The following PLCB1 variants were observed in gnomAD, a reference collection of about 807,000 sequenced individuals.
The protein encoded by PLCB1 is phospholipase C beta 1.
In PLCB1, 46 loss-of-function variants were observed where a neutral mutation model predicts 161.8. The observed-to-expected ratio is 0.28, with a 90% CI of 0.22 to 0.36. The LOEUF is 0.36. PLCB1 is among the 10% of genes least tolerant of loss of function. The probability of loss-of-function intolerance (pLI) is 1.00; values close to 1 mark genes in which losing one functional copy is unlikely to be tolerated. For missense variants in PLCB1, 1,016 were observed against 1,472.5 expected (o/e 0.69, Z 5.07); for synonymous variants, 517 against 503.7 (o/e 1.03, Z -0.35).
intron 3 of PLCB1, among the ~76,000 whole-genome samples, chr20:8,615,438 C>T (rs1988017619): frequency 6.6e-6 from 1 of 152,068 alleles, no homozygotes; most frequent in African/African-American, 2.4e-5. Flanking sequence ...CTTTAGAAAT[C>T]AATGTTTTTG....
rs375123870 is a variant in PLCB1 at position 8,658,580 on chromosome 20, G to A, written c.738G>A (p.Met246Ile). The change falls in exon 9 of 32, where the codon ATG becomes ATA. Residue 246 changes from methionine (M) to isoleucine (I), a missense_variant. Physicochemically the swap from Met to Ile is conservative, Grantham distance 10. Around this residue, in one of 10 missense-constraint regions of PLCB1, gnomAD observed 117 missense variants for 142.2 expected, o/e 0.82. Coordinates refer to ENST00000338037, the MANE Select transcript of PLCB1 (RefSeq NM_015192.4). ...SKPYLTVDQMMDFINLKQRDP... is the reference protein window; with the variant it reads ...SKPYLTVDQMIDFINLKQRDP... The stretch of plus-strand genomic sequence containing the variant: ...CATATCTTACCGTTGATCAGATGAT[G>A]GATTTTATCAACCTTAAGCAGCGAG... 25 of 1,612,112 alleles carry A rather than the reference G, an allele frequency of 1.6e-5. No homozygotes were observed. In the African/African-American group the frequency reaches 3.2e-4, roughly 21 times the overall value.
intron 2 of PLCB1, among the ~76,000 whole-genome samples, chr20:8,278,776 C>G (rs1982723012): frequency 6.6e-6 from 1 of 151,940 alleles, no homozygotes; most frequent in African/African-American, 2.4e-5. Flanking sequence ...AATATATTTT[C>G]TATTAAAGGT....
intron 3 of PLCB1, among the ~76,000 whole-genome samples, chr20:8,394,412 A>G (rs1416117717): frequency 6.6e-6 from 1 of 152,130 alleles, no homozygotes. Context: ...GCAGAAAGAA[A>G]GAAGTCTGAT....
chr20:8,140,724 G>A (rs542239935), intron 1 of PLCB1, among the ~76,000 whole-genome samples: 1 of 152,242 alleles, frequency 6.6e-6, no homozygotes, highest in South Asian at 2.1e-4. Flanking sequence ...CAAATTCAGT[G>A]TCCTTTCCAG....
chr20:8,280,295 A>G (rs1001451983), intron 2 of PLCB1, among the ~76,000 whole-genome samples: 8 of 151,610 alleles, frequency 5.3e-5, no homozygotes, highest in African/African-American at 1.9e-4. Context: ...AGGTCACACA[A>G]TTGCACTCCA....
At chr20:8,391,490 C>G (rs1263307747) in intron 3 of PLCB1, among the ~76,000 whole-genome samples, 1 of 151,894 alleles carries the variant, frequency 6.6e-6, no homozygotes, top group Admixed American at 6.6e-5. Flanking sequence ...AAGCAAAATC[C>G]AAAGCACTGT....
intron 11 of PLCB1, among the ~76,000 whole-genome samples, chr20:8,705,978 A>G (rs1033532551): frequency 1.3e-5 from 2 of 152,244 alleles, no homozygotes; most frequent in African/African-American, 4.8e-5. Flanking sequence ...GGCAAGTACT[A>G]GAAGCCAGGA....
chr20:8,147,326 TG>T (rs2051463387), intron 1 of PLCB1, among the ~76,000 whole-genome samples: 1 of 152,188 alleles, frequency 6.6e-6, no homozygotes, highest in Admixed American at 6.5e-5. Context: ...ATGTTATAGA[TG>T]TTGATGGAGA....
At chr20:8,771,391 A>G (rs1481849361) in intron 26 of PLCB1, among the ~76,000 whole-genome samples, 1 of 152,110 alleles carries the variant, frequency 6.6e-6, no homozygotes, top group Non-Finnish European at 1.5e-5. Context: ...TTCTGTTTCT[A>G]CCAGACAGCG....
chr20:8,238,093 C>T (rs1980418309), intron 2 of PLCB1, among the ~76,000 whole-genome samples: 1 of 152,036 alleles, frequency 6.6e-6, no homozygotes. Flanking sequence ...CATGGTGTCC[C>T]TGTAGGAGTT....
At position 8,243,033 on chromosome 20, in the gene PLCB1, G is replaced by T. The variant is rs6039106; in HGVS notation, c.177+92662G>T. Among the ~76,000 whole-genome samples, 4 of 152,036 alleles carry T rather than the reference G, an allele frequency of 2.6e-5. No homozygotes were observed. The East Asian group carries it at 7.8e-4, about 30-fold the overall frequency. Reference sequence around the variant, plus strand: ...GTAGCCTCAAATCTAAATTTGCATCGTTACGGGCATGCTATCTGTGGGTTT... The same window carrying T: ...GTAGCCTCAAATCTAAATTTGCATCTTTACGGGCATGCTATCTGTGGGTTT... On this transcript the variant is annotated intron_variant, in intron 2 of 31. Coordinates refer to ENST00000338037, the MANE Select transcript of PLCB1 (RefSeq NM_015192.4).
intron 31 of PLCB1, among the ~76,000 whole-genome samples, chr20:8,809,974 C>T (rs1255669910): frequency 1.3e-5 from 2 of 152,148 alleles, no homozygotes; most frequent in Admixed American, 6.5e-5. Context: ...TAATACTAAG[C>T]GTAACACCTG....
intron 2 of PLCB1, among the ~76,000 whole-genome samples, chr20:8,188,042 T>C (rs1421734325): frequency 6.6e-6 from 1 of 150,750 alleles, no homozygotes; most frequent in Non-Finnish European, 1.5e-5. Context: ...GTTTGGCTGA[T>C]TTAGGCTGGG....
chr20:8,240,055 A>C (rs910852321), intron 2 of PLCB1, among the ~76,000 whole-genome samples: 19 of 152,018 alleles, frequency 1.2e-4, no homozygotes, highest in African/African-American at 3.9e-4. Context: ...GTTTTCTATT[A>C]AACATAGAAC....
intron 12 of PLCB1, among the ~76,000 whole-genome samples, chr20:8,713,303 C>A (rs1225368810): frequency 2.6e-5 from 4 of 152,112 alleles, no homozygotes; most frequent in African/African-American, 4.8e-5. Flanking sequence ...ATTCTCCTGC[C>A]TCCTAAGTAG....
intron 2 of PLCB1, among the ~76,000 whole-genome samples, chr20:8,279,355 C>T (rs557875856): frequency 6.6e-6 from 1 of 152,298 alleles, no homozygotes; most frequent in East Asian, 1.9e-4. Flanking sequence ...AAACATTACA[C>T]TGAGTGAAGT....
chr20:8,684,999 G>C lies in PLCB1; in HGVS notation c.930G>C (p.Glu310Asp). The change falls in exon 10 of 32, where the codon GAG (glutamate) becomes GAC (aspartate). Residue 310 changes from glutamate (E) to aspartate (D), a missense_variant. Physicochemically the swap from Glu to Asp is conservative, Grantham distance 45. This residue lies in a region of PLCB1 where 117 missense variants were observed against 142.2 expected (regional missense o/e 0.82). Transcript: ENST00000338037. Reference protein sequence around the residue: ...SGEENGVVSPEKLDLNEDMSQ... With the variant: ...SGEENGVVSPDKLDLNEDMSQ... ...AAGAAAACGGAGTCGTTTCACCTGA[G>C]AAACTGGATTTGAATGAAGACATGT... 2 of 1,613,650 alleles carry C rather than the reference G, an allele frequency of 1.2e-6. No homozygotes were observed. The highest frequency in any genetic ancestry group is 1.7e-4 in the Middle Eastern group (1 of 6,058).
intron 31 of PLCB1, among the ~76,000 whole-genome samples, chr20:8,826,657 G>A (rs1338243121): frequency 1.3e-5 from 2 of 152,126 alleles, no homozygotes; most frequent in Admixed American, 6.5e-5. Flanking sequence ...ATTGTTTTGT[G>A]TTACCCATGA....
intron 1 of PLCB1, among the ~76,000 whole-genome samples, chr20:8,139,088 T>TTTTG (rs1419305187): frequency 6.9e-5 from 9 of 129,572 alleles, no homozygotes; most frequent in African/African-American, 2.9e-4. Flanking sequence ...AGGGTTTTTT[T>TTTTG]TTTTTTTTTT....
Sources: gnomAD v4.1 joint callset for allele counts (sites outside exome capture counted in the v4.1 genomes callset) on GRCh38, gnomAD v4.1.1 for gene constraint, gnomAD v4.1.1 regional missense constraint, MANE v1.5 for transcripts, NCBI Gene and HGNC (gene_info 2026-07-23, HGNC 2026-07-21) for gene names.